Variants in ZCCHC7 observed in about 807,000 individuals in gnomAD.
The protein encoded by ZCCHC7 is zinc finger CCHC domain-containing protein 7.
A neutral mutation model predicts 52.0 loss-of-function variants in ZCCHC7; 35 were observed. The ratio of observed to expected loss-of-function variants is 0.67; its 90% CI spans 0.51 to 0.89. The LOEUF (loss-of-function observed/expected upper bound fraction) is 0.89, where lower values mean the gene tolerates loss of function less well. Among genes scored for constraint, ZCCHC7 ranks in the 40% least tolerant of loss-of-function variants. ZCCHC7 has a pLI of 0.00. For synonymous variants in ZCCHC7, 217 were observed against 221.5 expected (o/e 0.98, Z 0.18); for missense variants, 574 against 649.1 (o/e 0.88, Z 1.26).
chr9:37,315,584 A>G (rs1226903738), intron 5 of ZCCHC7, among the ~76,000 whole-genome samples: 2 of 151,994 alleles, frequency 1.3e-5, no homozygotes, highest in Non-Finnish European at 2.9e-5. Context: ...AGAAAAATAT[A>G]CATCCTAAGA....
chr9:37,333,073 G>A (rs2118293996), intron 6 of ZCCHC7, among the ~76,000 whole-genome samples: 1 of 151,602 alleles, frequency 6.6e-6, no homozygotes, highest in South Asian at 2.1e-4. Context: ...TACTAATTTG[G>A]TTTAAATGGG....
At chr9:37,280,973 T>C (rs1827930569) in intron 2 of ZCCHC7, among the ~76,000 whole-genome samples, 1 of 152,302 alleles carries the variant, frequency 6.6e-6, no homozygotes, top group Middle Eastern at 3.4e-3. Flanking sequence ...ATATGGCAAC[T>C]ATATCAGAAA....
At chr9:37,337,379 T>G (rs1830720865) in intron 6 of ZCCHC7, among the ~76,000 whole-genome samples, 1 of 41,048 alleles carries the variant, frequency 2.4e-5, no homozygotes, top group Non-Finnish European at 5.4e-5. Flanking sequence ...GCTTCTGTTA[T>G]CCCACCCCAC....
At chr9:37,168,481 C>CA (rs887989757) in intron 2 of ZCCHC7, among the ~76,000 whole-genome samples, 1 of 151,976 alleles carries the variant, frequency 6.6e-6, no homozygotes, top group Non-Finnish European at 1.5e-5. Context: ...AAAAACAAAA[C>CA]AAAAAAAGCA....
intron 5 of ZCCHC7, among the ~76,000 whole-genome samples, chr9:37,306,702 A>G (rs983347106): frequency 7.8e-6 from 1 of 128,370 alleles, no homozygotes. Context: ...TGACCTCATG[A>G]TCCGCCCGCC....
At chr9:37,293,445 A>C (rs959607531) in intron 2 of ZCCHC7, among the ~76,000 whole-genome samples, 6 of 152,160 alleles carry the variant, frequency 3.9e-5, no homozygotes, top group Admixed American at 1.3e-4. Context: ...ACAGCCTTTA[A>C]ATCTTCCCTA....
At chr9:37,298,953 C>G (rs2133680284) in intron 2 of ZCCHC7, among the ~76,000 whole-genome samples, 1 of 152,316 alleles carries the variant, frequency 6.6e-6, no homozygotes, top group East Asian at 1.9e-4. Context: ...CTCTTTACAT[C>G]TTTCTTTACC....
chr9:37,333,789 A>C (rs1365243986), intron 6 of ZCCHC7: 2 of 151,800 alleles, frequency 1.3e-5, no homozygotes, highest in Non-Finnish European at 2.9e-5. Flanking sequence ...ACACTTTAAA[A>C]ATCTTTTTTA....
chr9:37,252,070 T>C (rs1826357509), intron 2 of ZCCHC7, among the ~76,000 whole-genome samples: 1 of 152,194 alleles, frequency 6.6e-6, no homozygotes, highest in Non-Finnish European at 1.5e-5. Context: ...ATATCTCTTA[T>C]AGGCTTTATG....
At chr9:37,242,667 C>A (rs1280156750) in intron 2 of ZCCHC7, among the ~76,000 whole-genome samples, 1 of 151,734 alleles carries the variant, frequency 6.6e-6, no homozygotes, top group Non-Finnish European at 1.5e-5. Context: ...CATAGTGAAG[C>A]TCTTATTAAA....
chr9:37,343,997 T>C (rs1460451755), intron 6 of ZCCHC7, among the ~76,000 whole-genome samples: 1 of 152,146 alleles, frequency 6.6e-6, no homozygotes, highest in Admixed American at 6.5e-5. Context: ...CTGTGGTGAT[T>C]ATTATTATTT....
intron 6 of ZCCHC7, among the ~76,000 whole-genome samples, chr9:37,348,343 G>A (rs1045984041): frequency 1.0e-5 from 1 of 100,018 alleles, no homozygotes; most frequent in Admixed American, 1.0e-4. Context: ...AGTGATACCA[G>A]TTCGTTCTTT....
At chr9:37,336,304 A>G (rs1830653859) in intron 6 of ZCCHC7, among the ~76,000 whole-genome samples, 2 of 152,312 alleles carry the variant, frequency 1.3e-5, no homozygotes, top group Admixed American at 1.3e-4. Context: ...TGCAGTTTGT[A>G]TTCTTTCAAA....
chr9:37,211,885 G>A lies in ZCCHC7; in HGVS notation c.610+84943G>A, dbSNP rs1010775261. Among the ~76,000 whole-genome samples, 3 of 151,866 alleles carry A rather than the reference G, an allele frequency of 2.0e-5. No homozygotes were observed. In the East Asian group the frequency reaches 5.8e-4, roughly 29 times the overall value. On this transcript the variant is annotated intron_variant, in intron 2 of 8. Coordinates refer to ENST00000336755, the MANE Select transcript of ZCCHC7 (RefSeq NM_032226.3). The stretch of plus-strand genomic sequence containing the variant: ...CTACTAAAAATACAAAAAATTAGCC[G>A]AGTGTAGTGGCAGGCGCCTGTAGTC...
In ZCCHC7 at chr9:37,357,261, A is replaced by AT. The variant is rs1564277899; in HGVS notation, c.1625_1626insT (p.Lys542AsnfsTer35). 2 of 1,590,796 alleles carry AT rather than the reference A, an allele frequency of 1.3e-6. No individual in the cohort carries two copies. Among genetic ancestry groups the AT allele is most frequent in the South Asian group, 1.2e-5 (1 of 85,920 alleles). On this transcript the variant is annotated frameshift_variant, in exon 9 of 9. Transcript: ENST00000336755. LOFTEE classifies it high-confidence loss of function. The stretch of plus-strand genomic sequence containing the variant: ...TTTCTTATTAAGCAGAGAAAAAAAA[A>AT]GTCTTAAGCCGTCAGGCAGCCTCTG...
At chr9:37,309,905 G>A (rs1402904877) in intron 5 of ZCCHC7, among the ~76,000 whole-genome samples, 1 of 148,298 alleles carries the variant, frequency 6.7e-6, no homozygotes, top group Non-Finnish European at 1.5e-5. Flanking sequence ...CTGGGCAACA[G>A]AGTGAGACTG....
rs533170702 is a variant in ZCCHC7 at position 37,228,739 on chromosome 9, G to A, written c.611-73449G>A. Among the ~76,000 whole-genome samples, 32 of 150,836 alleles carry A rather than the reference G, an allele frequency of 2.1e-4. 1 individual carries two copies. Among genetic ancestry groups the A allele is most frequent in the Non-Finnish European group, 3.8e-4 (26 of 67,886 alleles). ...TGAATTTTTATATGAATATAAACATGAATGCTTATATGAATATATTCATAT... is the reference window on the plus strand; with the variant it reads ...TGAATTTTTATATGAATATAAACATAAATGCTTATATGAATATATTCATAT... On this transcript the variant is annotated intron_variant, in intron 2 of 8. Transcript: ENST00000336755.
At chr9:37,306,153 T>G (rs925703317) in intron 5 of ZCCHC7, among the ~76,000 whole-genome samples, 1 of 151,742 alleles carries the variant, frequency 6.6e-6, no homozygotes, top group Non-Finnish European at 1.5e-5. Context: ...TTGCAACTTC[T>G]GCCTCCCGGG....
chr9:37,149,589 C>T (rs1420059283), intron 2 of ZCCHC7, among the ~76,000 whole-genome samples: 1 of 152,058 alleles, frequency 6.6e-6, no homozygotes, highest in Non-Finnish European at 1.5e-5. Context: ...ATTTTGATTA[C>T]AGAGAGAAAA....
Sources: gnomAD v4.1 joint callset for allele counts (sites outside exome capture counted in the v4.1 genomes callset) on GRCh38, gnomAD v4.1.1 for gene constraint, MANE v1.5 for transcripts, NCBI Gene and HGNC (gene_info 2026-07-23, HGNC 2026-07-21) for gene names.